Variants in STARD13 observed in about 807,000 individuals in gnomAD.
STARD13 encodes the protein stAR-related lipid transfer protein 13.
In STARD13, 62 loss-of-function variants were observed where a neutral mutation model predicts 106.4. That is an observed-to-expected ratio of 0.58 (90% CI 0.48 to 0.72). The LOEUF is 0.72. Among genes scored for constraint, STARD13 ranks in the 30% least tolerant of loss-of-function variants. The probability of loss-of-function intolerance (pLI) is 0.00; values close to 1 mark genes in which losing one functional copy is unlikely to be tolerated. For synonymous variants in STARD13, 565 were observed against 553.0 expected, an observed-to-expected ratio of 1.02 and a Z score of -0.31; for missense variants, 1,387 against 1,424.0, an observed-to-expected ratio of 0.97 and a Z score of 0.42.
intron 2 of STARD13, among the ~76,000 whole-genome samples, chr13:33,166,355 C>T (rs1883311264): frequency 1.3e-5 from 2 of 152,090 alleles, no homozygotes; most frequent in Admixed American, 6.6e-5. Context: ...GCCAGCTGTG[C>T]TCCTTCCTAG....
At chr13:33,273,501 C>T (rs1021769172) in intron 1 of STARD13, among the ~76,000 whole-genome samples, 9 of 152,216 alleles carry the variant, frequency 5.9e-5, no homozygotes, top group East Asian at 5.8e-4. Flanking sequence ...AAATCAATAA[C>T]GCAAAAGAAT....
chr13:33,133,792 C>T (rs1878678492), intron 4 of STARD13, among the ~76,000 whole-genome samples: 1 of 152,104 alleles, frequency 6.6e-6, no homozygotes, highest in South Asian at 2.1e-4. Flanking sequence ...TACCAAGGGG[C>T]CATGATCTGC....
At chr13:33,524,295 G>A in the STARD13 span, 1 of 1,277,896 alleles carries the variant, frequency 7.8e-7, no homozygotes, top group Non-Finnish European at 1.0e-6. Flanking sequence ...CAAGATTCTG[G>A]ATGTTTGCAG....
At chr13:33,204,644 C>A (rs114430623) in intron 1 of STARD13, among the ~76,000 whole-genome samples, 1 of 152,326 alleles carries the variant, frequency 6.6e-6, no homozygotes, top group African/African-American at 2.4e-5. Context: ...ATCAATATTT[C>A]TCTCCCATTT....
Position 33,104,411 on chromosome 13 carries a change from C to A in STARD13, c.*1182G>T, listed in dbSNP as rs1399894079. On this transcript the variant is annotated 3_prime_UTR_variant, in exon 14 of 14. Transcript: ENST00000336934. ...ACTAATCAAAGAACATAGTTTTGGT[C>A]TCATGTTAGTTAAAAACCCTGTCTT... 1 of 152,600 alleles carries A rather than the reference C, an allele frequency of 6.6e-6. No individual in the cohort carries two copies. Among genetic ancestry groups the A allele is most frequent in the African/African-American group, 2.4e-5 (1 of 41,448 alleles). 9.5% of individuals were successfully genotyped at this position (152,600 alleles called of 1,614,324 possible).
chr13:33,610,776 A>C, the STARD13 span, among the ~76,000 whole-genome samples: 1 of 152,338 alleles, frequency 6.6e-6, no homozygotes, highest in Non-Finnish European at 1.5e-5. Context: ...GGACTGAAGC[A>C]GGGACGCAGT....
the STARD13 span, chr13:33,661,442 A>G: frequency 1.3e-5 from 2 of 152,224 alleles, no homozygotes; most frequent in African/African-American, 4.8e-5. Context: ...TAAAAACTGT[A>G]GTGTGTGTAG....
chr13:33,458,399 C>T, the STARD13 span, among the ~76,000 whole-genome samples: 25 of 151,088 alleles, frequency 1.7e-4, no homozygotes, highest in East Asian at 5.8e-4. Context: ...CAGCCTCCCG[C>T]GAAATATGTA....
At chr13:33,493,909 C>A in the STARD13 span, among the ~76,000 whole-genome samples, 1 of 152,168 alleles carries the variant, frequency 6.6e-6, no homozygotes. Flanking sequence ...AAAAAATCCA[C>A]AGGTTGGTGC....
At chr13:33,269,560 C>T (rs538765003) in intron 1 of STARD13, among the ~76,000 whole-genome samples, 6 of 152,322 alleles carry the variant, frequency 3.9e-5, no homozygotes, top group East Asian at 3.9e-4. Flanking sequence ...CACAAAATCA[C>T]GGCCTTAGGC....
the STARD13 span, among the ~76,000 whole-genome samples, chr13:33,413,614 C>T: frequency 6.6e-6 from 1 of 152,048 alleles, no homozygotes; most frequent in South Asian, 2.1e-4. Context: ...TAGAGTACAA[C>T]AGAACTCAAA....
chr13:33,418,773 T>G, the STARD13 span, among the ~76,000 whole-genome samples: 3 of 152,202 alleles, frequency 2.0e-5, no homozygotes, highest in East Asian at 5.8e-4. Context: ...TTTGCTCTTC[T>G]GCAATATTTG....
At chr13:33,262,318 C>A (rs1312259936) in intron 1 of STARD13, among the ~76,000 whole-genome samples, 1 of 152,166 alleles carries the variant, frequency 6.6e-6, no homozygotes, top group African/African-American at 2.4e-5. Flanking sequence ...CTGCCTGCCT[C>A]GGTCCTGCCT....
At chr13:33,329,736 C>T (rs2077815895) in intron 1 of STARD13, among the ~76,000 whole-genome samples, 1 of 140,882 alleles carries the variant, frequency 7.1e-6, no homozygotes, top group Admixed American at 7.5e-5. Flanking sequence ...CAGAATCTGG[C>T]TTTGTCACGC....
chr13:33,299,039 C>T (rs924852469), intron 1 of STARD13, among the ~76,000 whole-genome samples: 4 of 152,136 alleles, frequency 2.6e-5, no homozygotes, highest in Non-Finnish European at 5.9e-5. Flanking sequence ...ATACGTTTAC[C>T]GTACTTTTTC....
chr13:33,285,390 A>C (rs1465470594), intron 1 of STARD13, 80 bp downstream of exon 1: 4 of 1,455,668 alleles, frequency 2.7e-6, no homozygotes, highest in Non-Finnish European at 3.7e-6. Context: ...GAAACAAACA[A>C]ACAAAAAAAA....
At chr13:33,598,665 A>T in the STARD13 span, among the ~76,000 whole-genome samples, 1 of 152,252 alleles carries the variant, frequency 6.6e-6, no homozygotes, top group African/African-American at 2.4e-5. Flanking sequence ...ATGAGTGAAG[A>T]CATCTTCATA....
At chr13:33,128,784 G>T in intron 5 of STARD13, 145 bp downstream of exon 5, 1 of 778,058 alleles carries the variant, frequency 1.3e-6, no homozygotes, top group Non-Finnish European at 2.0e-6. Context: ...TCATACTTCT[G>T]TTCAAATAAT....
At chr13:33,229,251 C>T (rs570205252) in intron 1 of STARD13, among the ~76,000 whole-genome samples, 8 of 152,290 alleles carry the variant, frequency 5.3e-5, no homozygotes, top group African/African-American at 1.7e-4. Flanking sequence ...TCCTAAATAG[C>T]GACTCCATGG....
Sources: gnomAD v4.1 joint callset for allele counts (sites outside exome capture counted in the v4.1 genomes callset) on GRCh38, gnomAD v4.1.1 for gene constraint, MANE v1.5 for transcripts, NCBI Gene and HGNC (gene_info 2026-07-23, HGNC 2026-07-21) for gene names.